The following SLITRK1 variants were observed in gnomAD, a reference collection of about 807,000 sequenced individuals.
SLITRK1 encodes SLIT and NTRK-like protein 1.
A neutral mutation model predicts 42.4 loss-of-function variants in SLITRK1; 10 were observed. The ratio of observed to expected loss-of-function variants is 0.24; its 90% CI spans 0.15 to 0.40. The LOEUF (loss-of-function observed/expected upper bound fraction) is 0.40. Ranked by LOEUF, SLITRK1 falls within the 10% of genes least tolerant of loss-of-function variation. SLITRK1 has a pLI of 1.00. For synonymous variants in SLITRK1, 389 were observed against 365.7 expected (o/e 1.06, Z -0.73); for missense variants, 778 against 848.8 (o/e 0.92, Z 1.04).
intron 1 of SLITRK1, 67 bp from the exon 2 acceptor site, chr13:83,881,627 A>G (rs1884816066): frequency 1.8e-6 from 2 of 1,095,398 alleles, no homozygotes; most frequent in Admixed American, 3.7e-5. Context: ...AAAGGAGAAG[A>G]AAAGGGTTTG....
chr13:83,877,450 A>G lies in SLITRK1; in HGVS notation c.*1967T>C, dbSNP rs1043594411. The G allele has an allele frequency of 2.6e-5, 4 of 152,090 alleles. No individual in the cohort carries two copies. The highest frequency in any genetic ancestry group is 7.2e-5 in the African/African-American group (3 of 41,406). 9.4% of individuals were successfully genotyped at this position (152,090 alleles called of 1,614,324 possible). The stretch of plus-strand genomic sequence containing the variant: ...ATGTGGTGGAATGCAGACTCCATCA[A>G]TATGTGTGGTTTTGTTTGCTTTTTG... On this transcript the variant is annotated 3_prime_UTR_variant, in exon 2 of 2. Transcript: ENST00000674365.
Position 83,879,745 on chromosome 13 carries a change from G to A in SLITRK1, c.1763C>T (p.Thr588Met), listed in dbSNP as rs1230558626. 1.2e-6 allele frequency: 2 copies of A among 1,614,040 alleles called. No individual in the cohort carries two copies. The highest frequency in any genetic ancestry group is 1.1e-5 in the South Asian group (1 of 91,062). Residue 588 changes from threonine to methionine, a missense_variant, in exon 2 of 2, where the codon ACG (threonine) becomes ATG (methionine). Coordinates refer to ENST00000674365, the MANE Select transcript of SLITRK1 (RefSeq NM_001281503.2). ...GCTGTTTTTACTGTGCGAAGTTAAC[G>A]TGGGCGAGATCCTAGCGTACAGCTG... The part of the protein sequence containing the change: ...CPQLYARISP[T>M]LTSHSKNSTG...
chr13:83,880,613 C>A lies in SLITRK1; in HGVS notation c.895G>T (p.Ala299Ser), dbSNP rs776115346. 4 of 1,614,130 alleles carry A rather than the reference C, an allele frequency of 2.5e-6. No individual in the cohort carries two copies. The highest frequency in any genetic ancestry group is 2.2e-5 in the South Asian group (2 of 91,072). The change falls in exon 2 of 2, where the codon GCC (alanine) becomes TCC (serine). Residue 299 changes from alanine to serine, a missense_variant. By Grantham distance (99) the Ala-to-Ser change is moderately conservative. Around this residue, in one of 4 missense-constraint regions of SLITRK1, gnomAD observed 395 missense variants for 360.4 expected, o/e 1.10. Coordinates refer to ENST00000674365, the MANE Select transcript of SLITRK1 (RefSeq NM_001281503.2). ...PFKTNGQEDH[A>S]TPGSAPNGGT... is the part of the protein sequence containing the mutation. ...CCGTTTGGAGCAGACCCTGGTGTGGCATGATCCTCTTGCCCATTTGTCTTG... is the reference window on the plus strand; with the variant it reads ...CCGTTTGGAGCAGACCCTGGTGTGGAATGATCCTCTTGCCCATTTGTCTTG...
Position 83,879,937 on chromosome 13 carries a change from A to G in SLITRK1, c.1571T>C (p.Ile524Thr). The G allele has an allele frequency of 6.2e-7, 1 of 1,614,090 alleles. No homozygotes were observed. Among genetic ancestry groups the G allele is most frequent in the Non-Finnish European group, 8.5e-7 (1 of 1,180,032 alleles). Residue 524 changes from isoleucine (I) to threonine (T), a missense_variant, in exon 2 of 2, where the codon ATA (isoleucine) becomes ACA (threonine). Around this residue, in one of 4 missense-constraint regions of SLITRK1, gnomAD observed 395 missense variants for 360.4 expected, o/e 1.10. Transcript: ENST00000674365. ...CTCCCAGGGGTTTCCGTGGAGGTCT[A>G]TCTGGATGATGGAGGTTAACTGGTC... ...VLDQLTSIIQIDLHGNPWECS... is the reference protein window; with the variant it reads ...VLDQLTSIIQTDLHGNPWECS...
At position 83,882,170 on chromosome 13, in the gene SLITRK1, T is replaced by C. The variant is rs1327581013; in HGVS notation, c.-220A>G. The C allele has an allele frequency of 4.2e-5, 7 of 167,292 alleles. No individual in the cohort carries two copies. In the East Asian group the frequency reaches 1.4e-3, roughly 32 times the overall value. The allele number at this position is 167,292 out of a possible 1,614,324, so 10.4% of individuals were successfully genotyped here. A position where few individuals can be genotyped will look rare whatever the true frequency, so the allele number is the denominator to read the frequency against. ...CGAAGGACTCACGCTGCCCAGCCAA[T>C]GGCGCTGGAAAATTTCCGCAATCGC... On this transcript the variant is annotated 5_prime_UTR_variant, in exon 1 of 2. Coordinates refer to ENST00000674365, the MANE Select transcript of SLITRK1 (RefSeq NM_001281503.2).
At position 83,881,300 on chromosome 13, in the gene SLITRK1, G is replaced by A. The variant is rs748258231; in HGVS notation, c.208C>T (p.Leu70Phe). The change falls in exon 2 of 2, where the codon CTC (leucine) becomes TTC (phenylalanine). Residue 70 changes from leucine (L) to phenylalanine (F), a missense_variant. Physicochemically the swap from Leu to Phe is conservative, Grantham distance 22. Transcript: ENST00000674365. ...FYHLFLHGNSLTRLFPNEFAN... is the reference protein window; with the variant it reads ...FYHLFLHGNSFTRLFPNEFAN... ...AACTCATTAGGGAAAAGTCGAGTGA[G>A]GGAATTGCCATGCAGAAATAAATGG... is the stretch of plus-strand genomic sequence containing the variant. The A allele has an allele frequency of 6.2e-7, 1 of 1,614,170 alleles. No individual in the cohort carries two copies. Among genetic ancestry groups the A allele is most frequent in the Non-Finnish European group, 8.5e-7 (1 of 1,180,044 alleles).
rs996646358 is a variant in SLITRK1, at chr13:83,879,346, G to A, written c.*71C>T. On this transcript the variant is annotated 3_prime_UTR_variant, in exon 2 of 2. Transcript: ENST00000674365. ...GGGGATTTGGGTACACGCCCCTCCA[G>A]CCCCCGGGGTGCCTGCGGTGGGGAA... 1.9e-6 allele frequency: 3 copies of A among 1,588,132 alleles called. No homozygotes were observed. Among genetic ancestry groups the A allele is most frequent in the Non-Finnish European group, 2.6e-6 (3 of 1,167,680 alleles).
At position 83,880,300 on chromosome 13, in the gene SLITRK1, A is replaced by T. The variant is rs1390979102; in HGVS notation, c.1208T>A (p.Leu403Gln). Residue 403 changes from leucine (L) to glutamine (Q), a missense_variant, in exon 2 of 2, where the codon CTG becomes CAG. Transcript: ENST00000674365. The part of the protein sequence containing the change: ...SHFVDYKNLI[L>Q]LDLGNNNIAT... ...GATGTTATTGTTGCCCAGATCCAAC[A>T]GAATGAGGTTCTTGTAATCCACAAA... The T allele has an allele frequency of 5.0e-6, 8 of 1,614,116 alleles. No homozygotes were observed. Among genetic ancestry groups the T allele is most frequent in the Non-Finnish European group, 5.9e-6 (7 of 1,180,028 alleles).
chr13:83,879,547 G>A lies in SLITRK1; in HGVS notation c.1961C>T (p.Ala654Val), dbSNP rs1285714626. The change falls in exon 2 of 2, where the codon GCC (alanine) becomes GTC (valine). Residue 654 changes from alanine (A) to valine (V), a missense_variant. Coordinates refer to ENST00000674365, the MANE Select transcript of SLITRK1 (RefSeq NM_001281503.2). ...RNRKRSKRRD[A>V]NSSASEINSL... The stretch of plus-strand genomic sequence containing the variant: ...ATTAATCTCGGACGCGGAGGAGTTG[G>A]CATCTCGTCTCTTGGACCGCTTTCG... 1 of 1,613,922 alleles carries A rather than the reference G, an allele frequency of 6.2e-7. No homozygotes were observed. Among genetic ancestry groups the A allele is most frequent in the African/African-American group, 1.3e-5 (1 of 74,888 alleles).
At position 83,879,238 on chromosome 13, in the gene SLITRK1, G is replaced by A. The variant is rs183225693; in HGVS notation, c.*179C>T. On this transcript the variant is annotated 3_prime_UTR_variant, in exon 2 of 2. Coordinates refer to ENST00000674365, the MANE Select transcript of SLITRK1 (RefSeq NM_001281503.2). ...ACAGTCTGCTCTTTGTTTCAAGGAG[G>A]GAGCTAAGTAAGGGGTCAGGCCCTT... is the stretch of plus-strand genomic sequence containing the variant. 20 of 701,560 alleles carry A rather than the reference G, an allele frequency of 2.9e-5. No homozygotes were observed. Among genetic ancestry groups the A allele is most frequent in the African/African-American group, 2.1e-4 (12 of 56,278 alleles). 43.5% of individuals were successfully genotyped at this position (701,560 alleles called of 1,614,324 possible).
In SLITRK1 at chr13:83,879,846, G is replaced by T. The variant is rs754943039; in HGVS notation, c.1662C>A (p.Ser554Arg). The T allele has an allele frequency of 2.5e-6, 4 of 1,614,098 alleles. No homozygotes were observed. The Admixed American group carries it at 6.7e-5, about 27-fold the overall frequency. ...AERLGSEVLM[S>R]DLKCETPVNF... ...TCACCGGCGTCTCACACTTGAGGTC[G>T]CTCATCAGCACTTCGGAACCCAAGC... is the stretch of plus-strand genomic sequence containing the variant. Residue 554 changes from serine (S) to arginine (R), a missense_variant, in exon 2 of 2, where the codon AGC becomes AGA. By Grantham distance (110) the Ser-to-Arg change is moderately radical. Coordinates refer to ENST00000674365, the MANE Select transcript of SLITRK1 (RefSeq NM_001281503.2).
In SLITRK1 at chr13:83,879,595, A is replaced by G; in HGVS notation, c.1913T>C (p.Met638Thr). The G allele has an allele frequency of 6.2e-7, 1 of 1,614,056 alleles. No individual in the cohort carries two copies. Among genetic ancestry groups the G allele is most frequent in the Non-Finnish European group, 8.5e-7 (1 of 1,180,000 alleles). ...FVTSAFTVVG[M>T]LVFILRNRKR... ...TCGGTTCCTCAGGATAAACACGAGC[A>G]TGCCCACCACGGTGAAGGCGGAGGT... Residue 638 changes from methionine (M) to threonine (T), a missense_variant, in exon 2 of 2, where the codon ATG (methionine) becomes ACG (threonine). This residue lies in a region of SLITRK1 where 164 missense variants were observed against 158.2 expected (regional missense o/e 1.04). Coordinates refer to ENST00000674365, the MANE Select transcript of SLITRK1 (RefSeq NM_001281503.2).
chr13:83,878,878 G>C lies in SLITRK1; in HGVS notation c.*539C>G, dbSNP rs1443361483. 6.4e-6 allele frequency: 1 copy of C among 156,436 alleles called. No homozygotes were observed. The highest frequency in any genetic ancestry group is 2.4e-5 in the African/African-American group (1 of 41,456). The allele number at this position is 156,436 out of a possible 1,614,324, so 9.7% of individuals were successfully genotyped here. A position where few individuals can be genotyped will look rare whatever the true frequency, so the allele number is the denominator to read the frequency against. On this transcript the variant is annotated 3_prime_UTR_variant, in exon 2 of 2. Coordinates refer to ENST00000674365, the MANE Select transcript of SLITRK1 (RefSeq NM_001281503.2). ...CGGGGGCGGGCAGAGTCCCTGGAGC[G>C]CGTGGATTCCATGCGAGCCATGCAG...
At position 83,878,528 on chromosome 13, in the gene SLITRK1, TA is replaced by T. The variant is rs200663563; in HGVS notation, c.*888del. ...ATGGAAGGCATTATTGGATATGTAT[TA>T]AAAAAAAGACCCCCTGAAAAAAATA... On this transcript the variant is annotated 3_prime_UTR_variant, in exon 2 of 2. Coordinates refer to ENST00000674365, the MANE Select transcript of SLITRK1 (RefSeq NM_001281503.2). The T allele has an allele frequency of 4.6e-5, 7 of 151,696 alleles. No individual in the cohort carries two copies. Among genetic ancestry groups the T allele is most frequent in the African/African-American group, 7.3e-5 (3 of 41,130 alleles). The allele number at this position is 151,696 out of a possible 1,614,324, so 9.4% of individuals were successfully genotyped here. A position where few individuals can be genotyped will look rare whatever the true frequency, so the allele number is the denominator to read the frequency against.
chr13:83,881,150 A>G lies in SLITRK1; in HGVS notation c.358T>C (p.Ser120Pro). The change falls in exon 2 of 2, where the codon TCT becomes CCT. Residue 120 changes from serine to proline, a missense_variant. Ser to Pro is a moderately conservative substitution (Grantham distance 74). Coordinates refer to ENST00000674365, the MANE Select transcript of SLITRK1 (RefSeq NM_001281503.2). ...CCCAGAAAAGTCTGCTTTCGAAAAG[A>G]CTTGATCTTGTTGTTGTTGATGTGC... The part of the protein sequence containing the change: ...RLHINNNKIK[S>P]FRKQTFLGLD... 1 of 1,614,060 alleles carries G rather than the reference A, an allele frequency of 6.2e-7. No homozygotes were observed. Among genetic ancestry groups the G allele is most frequent in the Non-Finnish European group, 8.5e-7 (1 of 1,180,002 alleles).
At chr13:83,881,592 T>A (rs1884815228) in intron 1 of SLITRK1, 32 bp from the exon 2 acceptor site, 3 of 1,555,874 alleles carry the variant, frequency 1.9e-6, no homozygotes, top group South Asian at 2.2e-5. Flanking sequence ...CAAGTTCATT[T>A]AGTGCTCCAA....
At position 83,879,442 on chromosome 13, in the gene SLITRK1, C is replaced by T; in HGVS notation, c.2066G>A (p.Cys689Tyr). 1 of 1,613,632 alleles carries T rather than the reference C, an allele frequency of 6.2e-7. No homozygotes were observed. Among genetic ancestry groups the T allele is most frequent in the Non-Finnish European group, 8.5e-7 (1 of 1,180,024 alleles). Residue 689 changes from cysteine (C) to tyrosine (Y), a missense_variant, in exon 2 of 2, where the codon TGT (cysteine) becomes TAT (tyrosine). Cys to Tyr is a radical substitution (Grantham distance 194). Around this residue, in one of 4 missense-constraint regions of SLITRK1, gnomAD observed 164 missense variants for 158.2 expected, o/e 1.04. Transcript: ENST00000674365. Reference protein sequence around the residue: ...NADGAHRVYDCGSHSLSD With the variant: ...NADGAHRVYDYGSHSLSD ...TTAGTCTGAGAGCGAGTGAGAGCCA[C>T]AGTCATACACTCTGTGGGCCCCATC...
chr13:83,880,540 G>T lies in SLITRK1; in HGVS notation c.968C>A (p.Ala323Glu). ...CCTGGAGCTACCCGTCGCTATCGCTGCTGTGGGTCTGATTTTGATCTGCCA... is the reference window on the plus strand; with the variant it reads ...CCTGGAGCTACCCGTCGCTATCGCTTCTGTGGGTCTGATTTTGATCTGCCA... Reference protein sequence around the residue: ...GNWQIKIRPTAAIATGSSRNK... With the variant: ...GNWQIKIRPTEAIATGSSRNK... Residue 323 changes from alanine (A) to glutamate (E), a missense_variant, in exon 2 of 2, where the codon GCA (alanine) becomes GAA (glutamate). Ala to Glu is a moderately radical substitution (Grantham distance 107). This residue lies in a region of SLITRK1 where 395 missense variants were observed against 360.4 expected (regional missense o/e 1.10). Coordinates refer to ENST00000674365, the MANE Select transcript of SLITRK1 (RefSeq NM_001281503.2). The T allele has an allele frequency of 1.9e-6, 3 of 1,614,160 alleles. No homozygotes were observed. The highest frequency in any genetic ancestry group is 2.5e-6 in the Non-Finnish European group (3 of 1,180,040).
At chr13:83,881,688 C>T (rs1411928279) in intron 1 of SLITRK1, 128 bp from the exon 2 acceptor site, 2 of 625,724 alleles carry the variant, frequency 3.2e-6, no homozygotes, top group Non-Finnish European at 2.8e-6. Context: ...ACTGCAATAG[C>T]CCAGACGCCA....
Sources: gnomAD v4.1 joint callset for allele counts on GRCh38, gnomAD v4.1.1 for gene constraint, gnomAD v4.1.1 regional missense constraint, MANE v1.5 for transcripts, NCBI Gene and HGNC (gene_info 2026-07-23, HGNC 2026-07-21) for gene names.